The following CRLS1 variants were observed in gnomAD, a reference collection of about 807,000 sequenced individuals.
CRLS1 encodes cardiolipin synthase 1, also known as cardiolipin synthase (CMP-forming).
In CRLS1, 24 loss-of-function variants were observed where a neutral mutation model predicts 37.0. The observed-to-expected ratio is 0.65, with a 90% CI of 0.47 to 0.91. The LOEUF is 0.91. CRLS1 is among the 40% of genes least tolerant of loss of function. CRLS1 has a pLI of 0.00. For missense variants in CRLS1, 373 were observed against 395.8 expected (o/e 0.94, Z 0.49); for synonymous variants, 135 against 159.7 (o/e 0.85, Z 1.17).
intron 6 of CRLS1, among the ~76,000 whole-genome samples, chr20:6,035,885 A>G (rs1390098914): frequency 6.6e-6 from 1 of 151,268 alleles, no homozygotes; most frequent in African/African-American, 2.4e-5. Flanking sequence ...GCTCACTGCA[A>G]CCTCTACCAC....
In CRLS1 at chr20:6,025,489, T is replaced by C. The variant is rs565608360; in HGVS notation, c.575-5796T>C. 1.6e-3 allele frequency among the ~76,000 whole-genome samples: 246 copies of C among 152,336 alleles called. 1 individual carries two copies. Among genetic ancestry groups the C allele is most frequent in the African/African-American group, 5.8e-3 (240 of 41,574 alleles). ...GGTCACCCAAGAGCTCTGATGGAGA[T>C]ATACAAGAAAATTAATGTTGTTTTC... is the stretch of plus-strand genomic sequence containing the variant. On this transcript the variant is annotated intron_variant, in intron 3 of 6. Coordinates refer to ENST00000378863, the MANE Select transcript of CRLS1 (RefSeq NM_019095.6).
At chr20:6,010,054 T>C in intron 2 of CRLS1, 142 bp downstream of exon 2, 3 of 805,962 alleles carry the variant, frequency 3.7e-6, no homozygotes, top group Non-Finnish European at 5.4e-6. Context: ...TTGTGAGGAC[T>C]TTGTCTTTAG....
chr20:6,038,162 T>C lies in CRLS1; in HGVS notation c.*1004T>C, dbSNP rs905179837. 1 of 152,186 alleles carries C rather than the reference T, an allele frequency of 6.6e-6. No homozygotes were observed. Among genetic ancestry groups the C allele is most frequent in the African/African-American group, 2.4e-5 (1 of 41,438 alleles). 9.4% of individuals were successfully genotyped at this position (152,186 alleles called of 1,614,324 possible). A position where few individuals can be genotyped will look rare whatever the true frequency, so the allele number is the denominator to read the frequency against. Reference sequence around the variant, plus strand: ...CTTACACTTAAATTGTAAAAATAATTAGTCTGACCATCTGACTTTAAAAGA... The same window carrying C: ...CTTACACTTAAATTGTAAAAATAATCAGTCTGACCATCTGACTTTAAAAGA... On this transcript the variant is annotated 3_prime_UTR_variant, in exon 7 of 7. Coordinates refer to ENST00000378863, the MANE Select transcript of CRLS1 (RefSeq NM_019095.6).
At chr20:6,010,528 C>T (rs985907689) in intron 2 of CRLS1, among the ~76,000 whole-genome samples, 3 of 152,212 alleles carry the variant, frequency 2.0e-5, no homozygotes, top group Admixed American at 2.0e-4. Context: ...CTTCATTCTC[C>T]TCCCTCAGCA....
intron 3 of CRLS1, among the ~76,000 whole-genome samples, chr20:6,018,333 C>T (rs899002036): frequency 9.3e-5 from 14 of 151,332 alleles, no homozygotes; most frequent in African/African-American, 3.4e-4. Context: ...TGTATTCTAA[C>T]AATATACATA....
chr20:6,015,658 G>T (rs1199813769), intron 3 of CRLS1, 168 bp downstream of exon 3: 1 of 633,202 alleles, frequency 1.6e-6, no homozygotes, highest in Non-Finnish European at 2.8e-6. Flanking sequence ...ACTACTTGTG[G>T]ATTTTAGAAT....
At chr20:6,036,024 C>T (rs1191493257) in intron 6 of CRLS1, among the ~76,000 whole-genome samples, 1 of 152,038 alleles carries the variant, frequency 6.6e-6, no homozygotes, top group East Asian at 1.9e-4. Context: ...AGGCTGGTCT[C>T]GAACTCCTGG....
In CRLS1 at chr20:6,006,493, G is replaced by C. The variant is rs2090056938; in HGVS notation, c.247G>C (p.Ala83Pro). 1 of 1,366,370 alleles carries C rather than the reference G, an allele frequency of 7.3e-7. No individual in the cohort carries two copies. The highest frequency in any genetic ancestry group is 9.4e-7 in the Non-Finnish European group (1 of 1,065,838). 84.6% of individuals were successfully genotyped at this position (1,366,370 alleles called of 1,614,324 possible). A position where few individuals can be genotyped will look rare whatever the true frequency, so the allele number is the denominator to read the frequency against. Residue 83 changes from alanine to proline, a missense_variant, in exon 1 of 7, where the codon GCG (alanine) becomes CCG (proline). Ala to Pro is a conservative substitution (Grantham distance 27). Coordinates refer to ENST00000378863, the MANE Select transcript of CRLS1 (RefSeq NM_019095.6). ...GKAAPRPAAG[A>P]GAAAEAPGGQ... Reference sequence around the variant, plus strand: ...GGCGGCTCCCAGGCCAGCGGCCGGAGCGGGCGCCGCTGCCGAAGCCCCGGG... The same window carrying C: ...GGCGGCTCCCAGGCCAGCGGCCGGACCGGGCGCCGCTGCCGAAGCCCCGGG...
intron 3 of CRLS1, among the ~76,000 whole-genome samples, chr20:6,023,733 A>G (rs1300053907): frequency 2.0e-5 from 3 of 147,530 alleles, no homozygotes; most frequent in African/African-American, 7.5e-5. Context: ...TCAAGAGCTC[A>G]TGTTCTTTGT....
intron 3 of CRLS1, among the ~76,000 whole-genome samples, chr20:6,026,550 G>T (rs1979726261): frequency 6.6e-6 from 1 of 152,116 alleles, no homozygotes; most frequent in Non-Finnish European, 1.5e-5. Context: ...TATATTGGTT[G>T]TGTTTCCTTC....
At chr20:6,032,453 G>A (rs966924148) in intron 5 of CRLS1, among the ~76,000 whole-genome samples, 13 of 151,342 alleles carry the variant, frequency 8.6e-5, no homozygotes, top group African/African-American at 3.2e-4. Context: ...CCTGCCTTGG[G>A]TTCCCAAATT....
At chr20:6,008,367 T>C (rs1223789452) in intron 1 of CRLS1, among the ~76,000 whole-genome samples, 1 of 152,182 alleles carries the variant, frequency 6.6e-6, no homozygotes, top group Non-Finnish European at 1.5e-5. Flanking sequence ...CTGTACCCTG[T>C]TGTGCAAGGT....
intron 3 of CRLS1, among the ~76,000 whole-genome samples, chr20:6,027,707 G>A (rs940425897): frequency 3.3e-5 from 5 of 152,070 alleles, no homozygotes; most frequent in East Asian, 1.9e-4. Context: ...GAGCCACCCC[G>A]CCCAGCCTGG....
chr20:6,033,711 C>A (rs183828594), intron 5 of CRLS1, among the ~76,000 whole-genome samples: 2 of 152,092 alleles, frequency 1.3e-5, no homozygotes, highest in Admixed American at 6.6e-5. Flanking sequence ...CGGGGTCTTG[C>A]GCTGTCTGCC....
intron 3 of CRLS1, among the ~76,000 whole-genome samples, chr20:6,022,709 C>T (rs1403595437): frequency 6.6e-6 from 1 of 152,056 alleles, no homozygotes; most frequent in Non-Finnish European, 1.5e-5. Flanking sequence ...TTTTGTTTTT[C>T]TCAGTTTCAC....
intron 2 of CRLS1, among the ~76,000 whole-genome samples, chr20:6,014,303 T>C (rs1250246027): frequency 6.6e-6 from 1 of 152,244 alleles, no homozygotes; most frequent in Non-Finnish European, 1.5e-5. Context: ...GAACAGCTTC[T>C]GTTCTGCTAC....
intron 4 of CRLS1, among the ~76,000 whole-genome samples, chr20:6,031,701 G>A (rs182002723): frequency 7.9e-5 from 12 of 152,224 alleles, no homozygotes; most frequent in Admixed American, 5.2e-4. Flanking sequence ...GGCTCCCAAT[G>A]TACTGAAAAT....
At chr20:6,025,906 T>C (rs1276372253) in intron 3 of CRLS1, among the ~76,000 whole-genome samples, 1 of 152,092 alleles carries the variant, frequency 6.6e-6, no homozygotes, top group Non-Finnish European at 1.5e-5. Flanking sequence ...ATTACCTGAG[T>C]TGCTTTTTAA....
intron 3 of CRLS1, among the ~76,000 whole-genome samples, chr20:6,027,574 C>T (rs894620871): frequency 5.3e-5 from 8 of 150,242 alleles, no homozygotes; most frequent in Non-Finnish European, 7.4e-5. Context: ...ACCACCACGC[C>T]GAGCTAATTT....
Sources: allele counts gnomAD v4.1 joint callset (sites outside exome capture counted in the v4.1 genomes callset), GRCh38; gene constraint gnomAD v4.1.1; transcripts MANE v1.5; gene names NCBI Gene and HGNC (gene_info 2026-07-23, HGNC 2026-07-21).